KCTD8: variants seen among roughly 807,000 people sequenced by gnomAD.
The protein encoded by KCTD8 is potassium channel tetramerization domain containing 8.
Under a neutral mutation model 31.5 loss-of-function variants are expected in KCTD8, and 27 were observed. That is an observed-to-expected ratio of 0.86 (90% CI 0.63 to 1.18). The LOEUF (loss-of-function observed/expected upper bound fraction) is 1.18, where lower values mean the gene tolerates loss of function less well. KCTD8 is among the 50% of genes most tolerant of loss of function. The pLI is 0.00. For synonymous variants in KCTD8, 290 were observed against 280.0 expected, an observed-to-expected ratio of 1.04 and a Z score of -0.36; for missense variants, 658 against 647.7, an observed-to-expected ratio of 1.02 and a Z score of -0.17.
intron 1 of KCTD8, among the ~76,000 whole-genome samples, chr4:44,401,599 C>T (rs1349066191): frequency 6.6e-6 from 1 of 152,122 alleles, no homozygotes; most frequent in East Asian, 1.9e-4. Flanking sequence ...GTTTAAGTCA[C>T]CTTTGCACAA....
chr4:44,293,907 T>A, intron 1 of KCTD8: 1 of 390,816 alleles, frequency 2.6e-6, no homozygotes, highest in Non-Finnish European at 5.1e-6. Flanking sequence ...ATGAGATAAT[T>A]CCATTTATCA....
intron 1 of KCTD8, among the ~76,000 whole-genome samples, chr4:44,192,515 C>T (rs1228871411): frequency 6.8e-6 from 1 of 146,736 alleles, no homozygotes; most frequent in African/African-American, 2.5e-5. Flanking sequence ...CACACACACA[C>T]AGAACTGATA....
intron 1 of KCTD8, among the ~76,000 whole-genome samples, chr4:44,248,251 AG>A (rs1715726136): frequency 6.6e-6 from 1 of 152,048 alleles, no homozygotes; most frequent in East Asian, 1.9e-4. Context: ...ATTATTATTT[AG>A]GAAATACCCA....
At chr4:44,253,915 T>C (rs1327116020) in intron 1 of KCTD8, among the ~76,000 whole-genome samples, 1 of 151,906 alleles carries the variant, frequency 6.6e-6, no homozygotes, top group African/African-American at 2.4e-5. Flanking sequence ...ATATGTGTAC[T>C]GATAGTGAGC....
At chr4:44,196,715 C>CTAATA (rs1713952764) in intron 1 of KCTD8, among the ~76,000 whole-genome samples, 3 of 152,120 alleles carry the variant, frequency 2.0e-5, no homozygotes, top group Admixed American at 2.0e-4. Context: ...GGAAGAGCTC[C>CTAATA]CAGGGAATCC....
intron 1 of KCTD8, among the ~76,000 whole-genome samples, chr4:44,245,310 C>A (rs1009796654): frequency 4.7e-5 from 7 of 150,056 alleles, no homozygotes; most frequent in Non-Finnish European, 1.0e-4. Context: ...AGCACTAAGA[C>A]TGATAAAAAA....
chr4:44,294,222 C>A (rs1200417917), intron 1 of KCTD8, among the ~76,000 whole-genome samples: 1 of 152,116 alleles, frequency 6.6e-6, no homozygotes, highest in Non-Finnish European at 1.5e-5. Context: ...CCTCTTAGTA[C>A]TATCTGGTCC....
chr4:44,351,940 A>T (rs1719209063), intron 1 of KCTD8, among the ~76,000 whole-genome samples: 1 of 152,128 alleles, frequency 6.6e-6, no homozygotes. Flanking sequence ...AAAAAGAATA[A>T]AACATAAAAT....
chr4:44,183,964 A>G (rs992810309), intron 1 of KCTD8, among the ~76,000 whole-genome samples: 1 of 152,236 alleles, frequency 6.6e-6, no homozygotes, highest in Non-Finnish European at 1.5e-5. Context: ...CTAAATATTA[A>G]GCACTTGAGT....
chr4:44,328,278 A>G (rs1718499432), intron 1 of KCTD8, among the ~76,000 whole-genome samples: 1 of 151,950 alleles, frequency 6.6e-6, no homozygotes, highest in South Asian at 2.1e-4. Flanking sequence ...AAACCAAATC[A>G]TTGGTTAATT....
chr4:44,324,971 A>G (rs1299300459), intron 1 of KCTD8, among the ~76,000 whole-genome samples: 1 of 151,994 alleles, frequency 6.6e-6, no homozygotes, highest in Admixed American at 6.6e-5. Context: ...TATAGCTGCC[A>G]ACTCTATCGC....
intron 1 of KCTD8, among the ~76,000 whole-genome samples, chr4:44,387,263 C>T (rs926704954): frequency 1.3e-5 from 2 of 151,348 alleles, no homozygotes; most frequent in East Asian, 3.9e-4. Flanking sequence ...CTCAGGGATA[C>T]GAAGAACCAG....
At chr4:44,210,548 G>A (rs999830458) in intron 1 of KCTD8, among the ~76,000 whole-genome samples, 3 of 152,102 alleles carry the variant, frequency 2.0e-5, no homozygotes, top group African/African-American at 7.2e-5. Context: ...TATCCACCAT[G>A]CAGTCATATA....
intron 1 of KCTD8, among the ~76,000 whole-genome samples, chr4:44,251,529 T>C (rs1715833591): frequency 6.6e-6 from 1 of 151,670 alleles, no homozygotes; most frequent in Non-Finnish European, 1.5e-5. Context: ...AATGTCTATA[T>C]AACTTTTATT....
chr4:44,426,248 A>C (rs2109474033), intron 1 of KCTD8, among the ~76,000 whole-genome samples: 1 of 151,870 alleles, frequency 6.6e-6, no homozygotes, highest in South Asian at 2.1e-4. Flanking sequence ...CACAGAGGAA[A>C]CCCAGTGAAA....
rs181082642 is a variant in KCTD8, at chr4:44,196,220, G to C, written c.962-20970C>G. Among the ~76,000 whole-genome samples the C allele has an allele frequency of 5.9e-5, 9 of 152,288 alleles. No individual in the cohort carries two copies. In the East Asian group the frequency reaches 1.7e-3, roughly 29 times the overall value. ...GTGAAAATGATGGCACTGAAAGAAA[G>C]AGAAAGATAGAGAAATCCATAGTTC... On this transcript the variant is annotated intron_variant, in intron 1 of 1. Transcript: ENST00000360029.
At chr4:44,176,581 TA>T (rs1170136595) in intron 1 of KCTD8, among the ~76,000 whole-genome samples, 2 of 152,218 alleles carry the variant, frequency 1.3e-5, no homozygotes, top group Non-Finnish European at 2.9e-5. Flanking sequence ...TGCTGGTTTC[TA>T]TCACCATTTT....
rs569786659 is a variant in KCTD8, at chr4:44,357,297, C to T, written c.961+90266G>A. On this transcript the variant is annotated intron_variant, in intron 1 of 1. Coordinates refer to ENST00000360029, the MANE Select transcript of KCTD8 (RefSeq NM_198353.3). ...AAGATTTAGCCTTTGTCTTTCTTTG[C>T]GAGGCTGCCTTTTTCTCCTTTTCTC... 8.6e-4 allele frequency among the ~76,000 whole-genome samples: 131 copies of T among 152,220 alleles called. 1 individual carries two copies. In the Middle Eastern group the frequency reaches 0.01, roughly 12 times the overall value.
At chr4:44,273,423 T>G (rs553574941) in intron 1 of KCTD8, among the ~76,000 whole-genome samples, 2 of 152,094 alleles carry the variant, frequency 1.3e-5, no homozygotes, top group East Asian at 3.9e-4. Flanking sequence ...ATTTTCAATG[T>G]TAGCATCATA....
Sources: gnomAD v4.1 joint callset for allele counts (sites outside exome capture counted in the v4.1 genomes callset) on GRCh38, gnomAD v4.1.1 for gene constraint, MANE v1.5 for transcripts, NCBI Gene and HGNC (gene_info 2026-07-23, HGNC 2026-07-21) for gene names.